Variants in SYTL3 observed in about 807,000 individuals in gnomAD.
SYTL3 encodes the protein synaptotagmin like 3.
Under a neutral mutation model 82.1 loss-of-function variants are expected in SYTL3, and 88 were observed. That is an observed-to-expected ratio of 1.07 (90% CI 0.90 to 1.28). The LOEUF (loss-of-function observed/expected upper bound fraction) is 1.28, where lower values mean the gene tolerates loss of function less well. Among genes scored for constraint, SYTL3 ranks in the 50% most tolerant of loss-of-function variants. The pLI is 0.00. For missense variants in SYTL3, 831 were observed against 757.6 expected, an observed-to-expected ratio of 1.10 and a Z score of -1.14; for synonymous variants, 311 against 289.4, an observed-to-expected ratio of 1.07 and a Z score of -0.76.
At chr6:158,759,299 G>A (rs983890030) in intron 14 of SYTL3, among the ~76,000 whole-genome samples, 2 of 152,224 alleles carry the variant, frequency 1.3e-5, no homozygotes, top group Admixed American at 6.5e-5. Flanking sequence ...CCACAGACCC[G>A]CCCCTGGGCT....
chr6:158,646,693 G>A (rs68163381), upstream of SYTL3, among the ~76,000 whole-genome samples: 1 of 152,068 alleles, frequency 6.6e-6, no homozygotes, highest in Non-Finnish European at 1.5e-5. Context: ...TACCACACCT[G>A]GTCTTCCTCT....
chr6:158,723,190 GT>G (rs1159950293), intron 10 of SYTL3, among the ~76,000 whole-genome samples: 1 of 149,260 alleles, frequency 6.7e-6, no homozygotes, highest in East Asian at 2.0e-4. Flanking sequence ...TGCCTCCCGG[GT>G]TCAAGTGATT....
intron 8 of SYTL3, among the ~76,000 whole-genome samples, chr6:158,712,604 A>T (rs1033023200): frequency 1.4e-4 from 21 of 152,132 alleles, no homozygotes; most frequent in Non-Finnish European, 2.4e-4. Flanking sequence ...CAGGGATTTT[A>T]ATCTTTAGGG....
At chr6:158,720,371 G>A (rs186275679) in intron 10 of SYTL3, among the ~76,000 whole-genome samples, 50 of 131,326 alleles carry the variant, frequency 3.8e-4, no homozygotes, top group Admixed American at 8.4e-4. Flanking sequence ...ACTGTTATAC[G>A]CTCCAGCCTG....
At chr6:158,654,784 C>G (rs544816459) in intron 2 of SYTL3, among the ~76,000 whole-genome samples, 1 of 152,188 alleles carries the variant, frequency 6.6e-6, no homozygotes, top group East Asian at 1.9e-4. Context: ...CTGTCTGGCT[C>G]CAAAAGTGAC....
At chr6:158,713,086 G>A (rs1384037739) in intron 8 of SYTL3, among the ~76,000 whole-genome samples, 1 of 152,086 alleles carries the variant, frequency 6.6e-6, no homozygotes, top group African/African-American at 2.4e-5. Context: ...ACTGAGACTG[G>A]GGTGACCTTC....
At chr6:158,663,662 C>T (rs1310934273) in intron 4 of SYTL3, 20 of 949,660 alleles carry the variant, frequency 2.1e-5, no homozygotes, top group African/African-American at 5.3e-5. Context: ...GTCTGTTTGC[C>T]GACTTCGTGG....
intron 11 of SYTL3, among the ~76,000 whole-genome samples, chr6:158,738,830 G>A (rs996012188): frequency 6.6e-6 from 1 of 152,174 alleles, no homozygotes; most frequent in African/African-American, 2.4e-5. Context: ...GCTAATTTTT[G>A]TATTTTTAGT....
intron 5 of SYTL3, among the ~76,000 whole-genome samples, chr6:158,678,526 CCATT>C (rs1468827543): frequency 1.3e-5 from 2 of 152,168 alleles, no homozygotes; most frequent in South Asian, 2.1e-4. Context: ...GTAGAGTCCT[CCATT>C]CATCTTATTG....
At chr6:158,704,901 A>C (rs1466632409) in intron 6 of SYTL3, among the ~76,000 whole-genome samples, 1 of 41,316 alleles carries the variant, frequency 2.4e-5, no homozygotes, top group East Asian at 4.4e-4. Flanking sequence ...ATAGGGCAGG[A>C]GGGACCCAGG....
intron 4 of SYTL3, 29 bp from the exon 5 acceptor site, chr6:158,665,366 A>G: frequency 6.4e-7 from 1 of 1,554,056 alleles, no homozygotes. Flanking sequence ...TCCATCTAAT[A>G]CTATCTTCTT....
chr6:158,666,946 G>A (rs1189254505), intron 5 of SYTL3, among the ~76,000 whole-genome samples: 1 of 152,174 alleles, frequency 6.6e-6, no homozygotes, highest in African/African-American at 2.4e-5. Flanking sequence ...ATGTTTCTTT[G>A]GTTTGCTGAA....
At chr6:158,725,720 T>C in intron 11 of SYTL3, 83 bp downstream of exon 11, 2 of 1,510,046 alleles carry the variant, frequency 1.3e-6, no homozygotes, top group Non-Finnish European at 1.8e-6. Context: ...CTTATTTCAA[T>C]TACTCCTATT....
chr6:158,745,457 A>G, intron 11 of SYTL3, 23 bp from the exon 12 acceptor site: 3 of 1,591,882 alleles, frequency 1.9e-6, no homozygotes, highest in Non-Finnish European at 2.6e-6. Context: ...GTAACTTATT[A>G]TATCTGTTAT....
chr6:158,762,786 G>A (rs1270996585), intron 16 of SYTL3, among the ~76,000 whole-genome samples: 1 of 152,014 alleles, frequency 6.6e-6, no homozygotes, highest in South Asian at 2.1e-4. Context: ...GTGTGGTGGC[G>A]GGCACCTATA....
intron 11 of SYTL3, among the ~76,000 whole-genome samples, chr6:158,743,356 A>G (rs1437399983): frequency 6.6e-6 from 1 of 152,136 alleles, no homozygotes; most frequent in African/African-American, 2.4e-5. Flanking sequence ...CTCTTGAAAT[A>G]GTTTAGTTGT....
In SYTL3 at chr6:158,757,999, G is replaced by A. The variant is rs903141390; in HGVS notation, c.1308+618G>A. The stretch of plus-strand genomic sequence containing the variant: ...TTAGGATCCGTGTCCCCCAGGCTAT[G>A]CAGGTAGGAGGAGAGGCCTGGGAGA... On this transcript the variant is annotated intron_variant, in intron 14 of 17. Transcript: ENST00000611299. Among the ~76,000 whole-genome samples, 4 of 152,288 alleles carry A rather than the reference G, an allele frequency of 2.6e-5. No homozygotes were observed. In the East Asian group the frequency reaches 7.7e-4, roughly 29 times the overall value.
intron 11 of SYTL3, among the ~76,000 whole-genome samples, chr6:158,741,601 G>C (rs1786935425): frequency 6.6e-6 from 1 of 152,202 alleles, no homozygotes; most frequent in Non-Finnish European, 1.5e-5. Flanking sequence ...TTTGGTGCAA[G>C]TTTGGCTTTG....
intron 9 of SYTL3, among the ~76,000 whole-genome samples, chr6:158,716,004 A>G (rs1433806947): frequency 1.3e-5 from 2 of 152,164 alleles, no homozygotes; most frequent in African/African-American, 4.8e-5. Context: ...TCACTGGCCC[A>G]GGTGCTGAAG....
Sources: allele counts gnomAD v4.1 joint callset (sites outside exome capture counted in the v4.1 genomes callset), GRCh38; gene constraint gnomAD v4.1.1; transcripts MANE v1.5; gene names NCBI Gene and HGNC (gene_info 2026-07-23, HGNC 2026-07-21).